Variants in EYS observed in about 807,000 individuals in gnomAD.
EYS encodes the protein protein eyes shut homolog.
EYS carries 250 observed loss-of-function variants against 282.1 expected under a neutral mutation model. That is an observed-to-expected ratio of 0.89 (90% CI 0.80 to 0.98). The LOEUF is 0.98. Ranked by LOEUF, EYS falls within the 50% of genes least tolerant of loss-of-function variation. The pLI is 0.00. For missense variants in EYS, 4,016 were observed against 3,709.0 expected (o/e 1.08, Z -2.15); for synonymous variants, 1,355 against 1,282.9 (o/e 1.06, Z -1.20).
At chr6:65,188,580 C>A (rs939284439) in intron 12 of EYS, among the ~76,000 whole-genome samples, 2 of 151,378 alleles carry the variant, frequency 1.3e-5, no homozygotes, top group African/African-American at 2.4e-5. Flanking sequence ...TGAATGCACA[C>A]AGCAAAGGAG....
At chr6:65,436,147 G>A (rs1000628000) in intron 5 of EYS, among the ~76,000 whole-genome samples, 11 of 151,918 alleles carry the variant, frequency 7.2e-5, no homozygotes, top group Non-Finnish European at 1.5e-4. Flanking sequence ...CAATGTAATT[G>A]GCCATATTAG....
chr6:63,807,308 A>T (rs1191467223), intron 36 of EYS, among the ~76,000 whole-genome samples: 1 of 152,196 alleles, frequency 6.6e-6, no homozygotes, highest in Non-Finnish European at 1.5e-5. Context: ...ATAAGAGCTT[A>T]TGTTGTTTCC....
At chr6:63,787,647 G>A (rs1448839677) in intron 39 of EYS, among the ~76,000 whole-genome samples, 1 of 152,162 alleles carries the variant, frequency 6.6e-6, no homozygotes, top group Non-Finnish European at 1.5e-5. Flanking sequence ...TATGTAGTAA[G>A]TGGTCAATAA....
chr6:65,404,709 G>C (rs1766652427), intron 6 of EYS, among the ~76,000 whole-genome samples: 1 of 151,340 alleles, frequency 6.6e-6, no homozygotes, highest in Non-Finnish European at 1.5e-5. Context: ...TTCTCCAGGG[G>C]AAAAAAAATT....
intron 31 of EYS, among the ~76,000 whole-genome samples, chr6:64,220,680 T>C (rs1766073511): frequency 6.6e-6 from 1 of 152,204 alleles, no homozygotes; most frequent in Non-Finnish European, 1.5e-5. Context: ...AGAGTGCCTT[T>C]GTTCCTAGTT....
intron 12 of EYS, among the ~76,000 whole-genome samples, chr6:65,286,888 G>A (rs1378974976): frequency 9.2e-5 from 14 of 151,462 alleles, no homozygotes; most frequent in African/African-American, 3.4e-4. Context: ...CATTTGTATG[G>A]GTGCTGTATT....
chr6:64,467,794 C>T (rs1016523710), intron 26 of EYS, among the ~76,000 whole-genome samples: 1 of 152,114 alleles, frequency 6.6e-6, no homozygotes, highest in East Asian at 1.9e-4. Flanking sequence ...CCACAGCTGG[C>T]ACCTGCATGC....
At chr6:65,643,625 C>T (rs1767353414) in intron 1 of EYS, among the ~76,000 whole-genome samples, 1 of 152,194 alleles carries the variant, frequency 6.6e-6, no homozygotes, top group Non-Finnish European at 1.5e-5. Flanking sequence ...GCAACCAACA[C>T]AAAACCAGTG....
At chr6:65,276,944 CAT>C (rs763547142) in intron 12 of EYS, among the ~76,000 whole-genome samples, 23 of 152,196 alleles carry the variant, frequency 1.5e-4, no homozygotes, top group Non-Finnish European at 3.1e-4. Flanking sequence ...GGTCATGTAA[CAT>C]AAGACATATA....
chr6:64,626,460 AAT>A (rs1276067299), intron 22 of EYS, among the ~76,000 whole-genome samples: 1 of 152,148 alleles, frequency 6.6e-6, no homozygotes, highest in East Asian at 1.9e-4. Context: ...TTTATTTGGA[AAT>A]AGAGTCTCTG....
intron 2 of EYS, among the ~76,000 whole-genome samples, chr6:65,609,336 C>CAA (rs34304600): frequency 0.1 from 14,554 of 142,980 alleles, 1,523 homozygotes; most frequent in African/African-American, 0.26. Context: ...CCAAGATAGC[C>CAA]AAAAAAAAAA....
chr6:64,008,329 G>C (rs1353789568), intron 33 of EYS, among the ~76,000 whole-genome samples: 1 of 152,086 alleles, frequency 6.6e-6, no homozygotes, highest in Non-Finnish European at 1.5e-5. Context: ...TTGCTTAGTA[G>C]ATTTTTCCCT....
chr6:65,664,761 A>G (rs932922413), intron 1 of EYS, among the ~76,000 whole-genome samples: 1 of 152,198 alleles, frequency 6.6e-6, no homozygotes, highest in East Asian at 1.9e-4. Flanking sequence ...AGAGGGAGTA[A>G]ACAGAGATCC....
intron 22 of EYS, among the ~76,000 whole-genome samples, chr6:64,687,416 G>A (rs1447674357): frequency 6.6e-6 from 1 of 152,140 alleles, no homozygotes; most frequent in Non-Finnish European, 1.5e-5. Context: ...TTCATTGAGA[G>A]TTTTTAGCAT....
intron 2 of EYS, among the ~76,000 whole-genome samples, chr6:65,527,922 G>A (rs1767629939): frequency 6.6e-6 from 1 of 152,170 alleles, no homozygotes; most frequent in Admixed American, 6.5e-5. Context: ...TTATGGCAAA[G>A]GAGTTGGTTC....
chr6:65,662,776 C>T lies in EYS; in HGVS notation c.-447-22884G>A, dbSNP rs143259963. Among the ~76,000 whole-genome samples the T allele has an allele frequency of 2.3e-3, 353 of 151,938 alleles. 3 individuals carry two copies. Among genetic ancestry groups the T allele is most frequent in the African/African-American group, 8.0e-3 (331 of 41,428 alleles). ...ATATCTGCTAGCATTATCTGGAATG[C>T]TAAACAGTACTATAGAGAAAAAATA... On this transcript the variant is annotated intron_variant, in intron 1 of 42. Transcript: ENST00000503581.
intron 31 of EYS, among the ~76,000 whole-genome samples, chr6:64,171,213 T>A (rs985693357): frequency 1.3e-5 from 2 of 152,232 alleles, no homozygotes; most frequent in Non-Finnish European, 2.9e-5. Context: ...TAATGATAAT[T>A]ACGGTATCCA....
At chr6:64,271,841 T>A (rs891614002) in intron 30 of EYS, among the ~76,000 whole-genome samples, 3 of 152,202 alleles carry the variant, frequency 2.0e-5, no homozygotes, top group South Asian at 2.1e-4. Flanking sequence ...TATTTTATTT[T>A]ATTTATTTAT....
intron 35 of EYS, among the ~76,000 whole-genome samples, chr6:63,971,427 A>G (rs956352649): frequency 3.9e-5 from 6 of 152,210 alleles, no homozygotes; most frequent in African/African-American, 1.4e-4. Flanking sequence ...TTAATACTTC[A>G]ATTAGATTAT....
Sources: gnomAD v4.1 joint callset for allele counts (sites outside exome capture counted in the v4.1 genomes callset) on GRCh38, gnomAD v4.1.1 for gene constraint, MANE v1.5 for transcripts, NCBI Gene and HGNC (gene_info 2026-07-23, HGNC 2026-07-21) for gene names.